Variants in NUFIP1 observed in about 807,000 individuals in gnomAD.
NUFIP1 encodes nuclear FMR1 interacting protein 1.
In NUFIP1, 38 loss-of-function variants were observed where a neutral mutation model predicts 56.2. That is an observed-to-expected ratio of 0.68 (90% CI 0.52 to 0.89). The LOEUF is 0.89. NUFIP1 is among the 40% of genes least tolerant of loss of function. The pLI is 0.00. For missense variants in NUFIP1, 567 were observed against 605.8 expected, an observed-to-expected ratio of 0.94 and a Z score of 0.67; for synonymous variants, 215 against 212.4, an observed-to-expected ratio of 1.01 and a Z score of -0.10.
chr13:44,956,867 G>C (rs936597353), intron 7 of NUFIP1, among the ~76,000 whole-genome samples: 5 of 151,996 alleles, frequency 3.3e-5, no homozygotes, highest in Admixed American at 1.3e-4. Flanking sequence ...CTGTGCCCAG[G>C]GGTTAAGAAC....
At chr13:44,963,140 T>C (rs1461406605) in intron 6 of NUFIP1, among the ~76,000 whole-genome samples, 4 of 152,152 alleles carry the variant, frequency 2.6e-5, no homozygotes, top group Non-Finnish European at 5.9e-5. Context: ...TTAATTGGAT[T>C]TGGGGGAGAA....
chr13:44,957,650 T>A (rs937808175), intron 7 of NUFIP1, among the ~76,000 whole-genome samples: 4 of 152,154 alleles, frequency 2.6e-5, no homozygotes, highest in Non-Finnish European at 5.9e-5. Flanking sequence ...CAAGATACAA[T>A]CGTCTTTTAG....
rs1218252117 is a variant in NUFIP1 at position 44,980,830 on chromosome 13, A to G, written c.496-10T>C. ...CTGGTTCCTTTCTTTTCTGCAAACA[A>G]AAACAGAGAGGAATTAGGCTTTTGG... On this transcript the variant is annotated splice_polypyrimidine_tract_variant and intron_variant, in intron 2 of 9. Transcript: ENST00000379161. 1 of 1,560,724 alleles carries G rather than the reference A, an allele frequency of 6.4e-7. No individual in the cohort carries two copies. The highest frequency in any genetic ancestry group is 2.2e-5 in the East Asian group (1 of 44,594).
At chr13:44,966,377 C>T (rs574906132) in intron 5 of NUFIP1, among the ~76,000 whole-genome samples, 12 of 151,994 alleles carry the variant, frequency 7.9e-5, no homozygotes, top group Non-Finnish European at 1.6e-4. Context: ...TGCAATGGTG[C>T]GATCTCAGCT....
intron 8 of NUFIP1, among the ~76,000 whole-genome samples, chr13:44,947,301 C>T (rs975069595): frequency 2.2e-5 from 3 of 138,762 alleles, no homozygotes; most frequent in South Asian, 2.2e-4. Context: ...TGCAGTGGTG[C>T]GATCTTGGCT....
chr13:44,968,462 T>C (rs1412749832), intron 5 of NUFIP1, among the ~76,000 whole-genome samples: 2 of 148,254 alleles, frequency 1.3e-5, no homozygotes, highest in East Asian at 1.9e-4. Flanking sequence ...AGATGATTAA[T>C]AGGATGAAAA....
chr13:44,950,424 C>A (rs1394825746), intron 7 of NUFIP1, among the ~76,000 whole-genome samples: 4 of 152,154 alleles, frequency 2.6e-5, no homozygotes, highest in Non-Finnish European at 4.4e-5. Flanking sequence ...CGGCTCACCA[C>A]AACCTCTGCC....
At chr13:44,945,815 A>G (rs942031327) in intron 8 of NUFIP1, among the ~76,000 whole-genome samples, 2 of 152,084 alleles carry the variant, frequency 1.3e-5, no homozygotes, top group Admixed American at 6.5e-5. Flanking sequence ...TCAGTGTGAT[A>G]TGATATAAAG....
At chr13:44,944,646 C>T (rs1228292429) in intron 8 of NUFIP1, among the ~76,000 whole-genome samples, 2 of 151,948 alleles carry the variant, frequency 1.3e-5, no homozygotes, top group Admixed American at 6.5e-5. Flanking sequence ...TGAACATTTA[C>T]CTTGTGTTGG....
chr13:44,974,851 C>T (rs563365864), intron 5 of NUFIP1, among the ~76,000 whole-genome samples: 2 of 152,130 alleles, frequency 1.3e-5, no homozygotes, highest in Non-Finnish European at 2.9e-5. Flanking sequence ...ATGCCAAGGG[C>T]GAGTGACAAA....
chr13:44,948,865 A>C lies in NUFIP1; in HGVS notation c.1138+857T>G, dbSNP rs546095636. On this transcript the variant is annotated intron_variant, in intron 8 of 9. Transcript: ENST00000379161. ...ATTCTGAAAGTTACTGACTTCTCAG[A>C]AAGACTCTTGAAAAGATTCAATTTC... 5.3e-5 allele frequency among the ~76,000 whole-genome samples: 8 copies of C among 152,370 alleles called. No homozygotes were observed. In the South Asian group the frequency reaches 1.7e-3, roughly 32 times the overall value.
At position 44,989,110 on chromosome 13, in the gene NUFIP1, A is replaced by C; in HGVS notation, c.327T>G (p.Pro109=). 1 of 1,614,152 alleles carries C rather than the reference A, an allele frequency of 6.2e-7. No homozygotes were observed. The highest frequency in any genetic ancestry group is 8.5e-7 in the Non-Finnish European group (1 of 1,180,024). Residue 109 remains proline, a synonymous_variant, in exon 1 of 10, where the codon CCT becomes CCG. Coordinates refer to ENST00000379161, the MANE Select transcript of NUFIP1 (RefSeq NM_012345.3). ...LDSQPQPSGQ[P]WNFHASTSWY... ...ACGATGTGGAAGCATGGAAATTCCA[A>C]GGCTGGCCGCTGGGTTGAGGCTGAG...
intron 7 of NUFIP1, among the ~76,000 whole-genome samples, chr13:44,958,277 T>C (rs1871311041): frequency 6.6e-6 from 1 of 152,188 alleles, no homozygotes; most frequent in African/African-American, 2.4e-5. Context: ...TTTTTTACTA[T>C]TACTTTCAAT....
At chr13:44,974,488 T>A (rs1871902775) in intron 5 of NUFIP1, among the ~76,000 whole-genome samples, 1 of 152,184 alleles carries the variant, frequency 6.6e-6, no homozygotes, top group South Asian at 2.1e-4. Flanking sequence ...AACTTTAGAA[T>A]CCAGGATGTG....
At chr13:44,941,410 T>C in intron 9 of NUFIP1, 88 bp from the exon 10 acceptor site, 2 of 703,760 alleles carry the variant, frequency 2.8e-6, no homozygotes, top group Non-Finnish European at 4.9e-6. Context: ...CCTCACCATA[T>C]AAAGAAGACA....
At chr13:44,965,670 G>A (rs1871572429) in intron 6 of NUFIP1, among the ~76,000 whole-genome samples, 174 bp downstream of exon 6, 2 of 151,696 alleles carry the variant, frequency 1.3e-5, no homozygotes. Flanking sequence ...CTCCAGCCTG[G>A]GCAACAGAGC....
intron 8 of NUFIP1, 93 bp from the exon 9 acceptor site, chr13:44,943,767 C>G: frequency 1.1e-6 from 1 of 899,796 alleles, no homozygotes; most frequent in East Asian, 2.5e-5. Context: ...TAATAATCCT[C>G]CTAGCCATAA....
chr13:44,943,282 G>A (rs1183678200), intron 9 of NUFIP1, among the ~76,000 whole-genome samples, 160 bp downstream of exon 9: 3 of 151,968 alleles, frequency 2.0e-5, no homozygotes, highest in Non-Finnish European at 4.4e-5. Context: ...CCAGCTATAT[G>A]CCAAATGTAG....
At chr13:44,983,152 C>G (rs1400322516) in intron 1 of NUFIP1, among the ~76,000 whole-genome samples, 1 of 152,076 alleles carries the variant, frequency 6.6e-6, no homozygotes, top group Non-Finnish European at 1.5e-5. Context: ...CCATGCCCAG[C>G]TGACCCTGTC....
Sources: allele counts gnomAD v4.1 joint callset (sites outside exome capture counted in the v4.1 genomes callset), GRCh38; gene constraint gnomAD v4.1.1; transcripts MANE v1.5; gene names NCBI Gene and HGNC (gene_info 2026-07-23, HGNC 2026-07-21).